ANKS1A: variants seen among roughly 807,000 people sequenced by gnomAD.
ANKS1A encodes the protein ankyrin repeat and sterile alpha motif domain containing 1A.
In ANKS1A, 55 loss-of-function variants were observed where a neutral mutation model predicts 120.3. That is an observed-to-expected ratio of 0.46 (90% CI 0.37 to 0.57). The LOEUF (loss-of-function observed/expected upper bound fraction) is 0.57. Ranked by LOEUF, ANKS1A falls within the 20% of genes least tolerant of loss-of-function variation. The pLI, the probability that ANKS1A is intolerant of heterozygous loss-of-function variation, is 0.00. For synonymous variants in ANKS1A, 590 were observed against 604.7 expected, an observed-to-expected ratio of 0.98 and a Z score of 0.36; for missense variants, 1,123 against 1,480.3, an observed-to-expected ratio of 0.76 and a Z score of 3.96.
Position 34,983,332 on chromosome 6 carries a change from A to T in ANKS1A, c.919A>T (p.Thr307Ser), listed in dbSNP as rs762667924. 6.2e-7 allele frequency: 1 copy of T among 1,613,956 alleles called. No homozygotes were observed. The highest frequency in any genetic ancestry group is 2.2e-5 in the East Asian group (1 of 44,870). ...TTGATCTTTCCATGTAGATCACATG[A>T]CTGGAAAAAGAAGTACAAAAGAAGT... ...QIAALIEDHM[T>S]GKRSTKEVDK... The change falls in exon 7 of 24, where the codon ACT becomes TCT. Residue 307 changes from threonine (T) to serine (S), a missense_variant. By Grantham distance (58) the Thr-to-Ser change is moderately conservative. Transcript: ENST00000360359.
chr6:34,983,344 A>T lies in ANKS1A; in HGVS notation c.931A>T (p.Ser311Cys), dbSNP rs146179923. Residue 311 changes from serine (S) to cysteine (C), a missense_variant, in exon 7 of 24, where the codon AGT becomes TGT. Around this residue, in one of 3 missense-constraint regions of ANKS1A, gnomAD observed 904 missense variants for 1,130.4 expected, o/e 0.80. Transcript: ENST00000360359. The stretch of plus-strand genomic sequence containing the variant: ...TGTAGATCACATGACTGGAAAAAGA[A>T]GTACAAAAGAAGTAGATAAAACCCC... ...LIEDHMTGKRSTKEVDKTPPP... is the reference protein window; with the variant it reads ...LIEDHMTGKRCTKEVDKTPPP... 6.2e-7 allele frequency: 1 copy of T among 1,614,128 alleles called. No individual in the cohort carries two copies. The highest frequency in any genetic ancestry group is 1.3e-5 in the African/African-American group (1 of 75,014).
intron 9 of ANKS1A, among the ~76,000 whole-genome samples, chr6:34,991,771 T>C (rs201707659): frequency 3.3e-5 from 1 of 30,294 alleles, no homozygotes; most frequent in Admixed American, 4.0e-4. Context: ...TATATACACA[T>C]ATATATACAC....
Position 34,972,492 on chromosome 6 carries a change from C to T in ANKS1A, c.435+2326C>T, listed in dbSNP as rs188401877. The T allele has an allele frequency of 3.6e-5, 21 of 579,206 alleles. No individual in the cohort carries two copies. The African/African-American group carries it at 3.9e-4, about 11-fold the overall frequency. 35.9% of individuals were successfully genotyped at this position (579,206 alleles called of 1,614,324 possible). A position where few individuals can be genotyped will look rare whatever the true frequency, so the allele number is the denominator to read the frequency against. The stretch of plus-strand genomic sequence containing the variant: ...ATCCAGAGGGCAGATTCAAGTTGTT[C>T]TAGGGTTGGGTTCCCTCAGGGCTGT... On this transcript the variant is annotated intron_variant, in intron 3 of 23. Transcript: ENST00000360359.
chr6:34,987,340 TTCTA>T (rs1401602055), intron 8 of ANKS1A, among the ~76,000 whole-genome samples: 6 of 152,248 alleles, frequency 3.9e-5, no homozygotes, highest in Non-Finnish European at 7.3e-5. Context: ...ATATTGTTCT[TTCTA>T]GGCTTTTTTG....
At chr6:34,927,429 T>A (rs1768772104) in intron 1 of ANKS1A, among the ~76,000 whole-genome samples, 1 of 151,944 alleles carries the variant, frequency 6.6e-6, no homozygotes, top group Non-Finnish European at 1.5e-5. Flanking sequence ...TATTGATAAA[T>A]GGGCACTAAA....
intron 11 of ANKS1A, among the ~76,000 whole-genome samples, chr6:35,033,093 A>G (rs1774987244): frequency 6.6e-6 from 1 of 152,256 alleles, no homozygotes; most frequent in South Asian, 2.1e-4. Context: ...ATAATGTCAC[A>G]TTGGTGTTAA....
rs80321452 is a variant in ANKS1A at position 35,082,319 on chromosome 6, C to T, written c.2710-372C>T. 0.014 allele frequency among the ~76,000 whole-genome samples: 2,063 copies of T among 152,212 alleles called. 48 individuals are homozygous for T. Among genetic ancestry groups the T allele is most frequent in the African/African-American group, 0.045 (1,889 of 41,522 alleles). ...TGGGTCCCAAGGCGTCCCAGGGTCT[C>T]GTGGGCGCTGTTCTCTCCTTTGGTC... is the stretch of plus-strand genomic sequence containing the variant. On this transcript the variant is annotated intron_variant, in intron 17 of 23. Coordinates refer to ENST00000360359, the MANE Select transcript of ANKS1A (RefSeq NM_015245.3). This position sits in a 1 kb window ranked among gnomAD's most constrained non-coding sequence, Gnocchi z 4.1.
rs115292593 is a variant in ANKS1A at position 34,938,879 on chromosome 6, G to A, written c.198-28360G>A. 7.4e-3 allele frequency among the ~76,000 whole-genome samples: 1,119 copies of A among 152,230 alleles called. 21 individuals carry two copies. Among genetic ancestry groups the A allele is most frequent in the African/African-American group, 0.026 (1,061 of 41,520 alleles). On this transcript the variant is annotated intron_variant, in intron 1 of 23. Coordinates refer to ENST00000360359, the MANE Select transcript of ANKS1A (RefSeq NM_015245.3). ...GGCGCACGCCTGTAATCCCACCTAC[G>A]CGGACGGCTGAGGCAGGAGAATTGC... is the stretch of plus-strand genomic sequence containing the variant.
chr6:35,078,485 G>T (rs577934388), intron 13 of ANKS1A, 73 bp from the exon 14 acceptor site: 9 of 1,410,382 alleles, frequency 6.4e-6, no homozygotes, highest in Non-Finnish European at 8.9e-6. Flanking sequence ...GCCCTGAAAG[G>T]CCCACCTGAC....
intron 11 of ANKS1A, among the ~76,000 whole-genome samples, chr6:35,035,339 A>G (rs1232058407): frequency 1.3e-5 from 2 of 152,194 alleles, no homozygotes; most frequent in African/African-American, 2.4e-5. Flanking sequence ...GCTCATCTGA[A>G]TGGTGTGCTT....
At chr6:34,944,617 A>G (rs1186458060) in intron 1 of ANKS1A, among the ~76,000 whole-genome samples, 1 of 152,174 alleles carries the variant, frequency 6.6e-6, no homozygotes, top group African/African-American at 2.4e-5. Flanking sequence ...GACTGGTTCC[A>G]GGACTCTCCT....
intron 10 of ANKS1A, among the ~76,000 whole-genome samples, chr6:35,003,249 A>G (rs1773262288): frequency 6.6e-6 from 1 of 152,154 alleles, no homozygotes; most frequent in African/African-American, 2.4e-5. Flanking sequence ...CCAGACCCCC[A>G]TTTACATGCT....
At chr6:35,024,532 G>A (rs1319517938) in intron 11 of ANKS1A, among the ~76,000 whole-genome samples, 1 of 152,236 alleles carries the variant, frequency 6.6e-6, no homozygotes, top group Non-Finnish European at 1.5e-5. Context: ...TGGGTGAAGA[G>A]CAGGGACATG....
At chr6:34,994,488 T>A in intron 10 of ANKS1A, 66 bp downstream of exon 10, 5 of 1,579,802 alleles carry the variant, frequency 3.2e-6, no homozygotes, top group Non-Finnish European at 4.3e-6. Context: ...TGATCCTGAG[T>A]GGAAGGGGAA....
intron 11 of ANKS1A, among the ~76,000 whole-genome samples, chr6:35,049,283 T>C (rs1775863278): frequency 6.6e-6 from 1 of 152,168 alleles, no homozygotes; most frequent in South Asian, 2.1e-4. Context: ...CTTCCCCTGT[T>C]AGTGTAAAAG....
chr6:35,088,520 GCT>G, intron 23 of ANKS1A, 84 bp from the exon 24 acceptor site: 2 of 1,559,304 alleles, frequency 1.3e-6, no homozygotes, highest in Non-Finnish European at 1.8e-6. Context: ...CGTCTGTCCT[GCT>G]CTGTGTTTCC....
At position 35,079,874 on chromosome 6, in the gene ANKS1A, A is replaced by G; in HGVS notation, c.2490A>G (p.Ala830=). ...GCAAGCGCATCATCGCCTCCCTCGCAGACAGACCGTACGAGGAGCCGCCCC... is the reference window on the plus strand; with the variant it reads ...GCAAGCGCATCATCGCCTCCCTCGCGGACAGACCGTACGAGGAGCCGCCCC... ...GHRKRIIASL[A]DRPYEEPPQK... Residue 830 remains alanine, a synonymous_variant, in exon 16 of 24, where the codon GCA becomes GCG. Coordinates refer to ENST00000360359, the MANE Select transcript of ANKS1A (RefSeq NM_015245.3). The G allele has an allele frequency of 6.4e-7, 1 of 1,567,094 alleles. No individual in the cohort carries two copies. Among genetic ancestry groups the G allele is most frequent in the Non-Finnish European group, 8.7e-7 (1 of 1,155,830 alleles).
At chr6:34,988,224 C>T (rs1163887584) in intron 8 of ANKS1A, among the ~76,000 whole-genome samples, 1 of 152,212 alleles carries the variant, frequency 6.6e-6, no homozygotes, top group African/African-American at 2.4e-5. Context: ...GCTACTTTTG[C>T]ATTATAATGG....
Position 35,082,569 on chromosome 6 carries a change from C to T in ANKS1A, c.2710-122C>T. On this transcript the variant is annotated intron_variant, in intron 17 of 23. Transcript: ENST00000360359. This position sits in a 1 kb window ranked among gnomAD's most constrained non-coding sequence, Gnocchi z 4.1. The stretch of plus-strand genomic sequence containing the variant: ...GCTGGTCTGCCCCCTGCCATCTCCA[C>T]TCGACCCTTGAACTTGCTAAGGTCA... 7.6e-7 allele frequency: 1 copy of T among 1,317,284 alleles called. No homozygotes were observed. The highest frequency in any genetic ancestry group is 1.5e-5 in the African/African-American group (1 of 67,072). 81.6% of individuals were successfully genotyped at this position (1,317,284 alleles called of 1,614,324 possible). A position where few individuals can be genotyped will look rare whatever the true frequency, so the allele number is the denominator to read the frequency against.
Sources: allele counts gnomAD v4.1 joint callset (sites outside exome capture counted in the v4.1 genomes callset), GRCh38; gene constraint gnomAD v4.1.1; regional missense constraint gnomAD v4.1.1; non-coding constraint Gnocchi (gnomAD v3.1); transcripts MANE v1.5; gene names NCBI Gene and HGNC (gene_info 2026-07-23, HGNC 2026-07-21).